RBBP4: variants seen among roughly 807,000 people sequenced by gnomAD.
RBBP4 encodes the protein RB binding protein 4, chromatin remodeling factor.
In RBBP4, 3 loss-of-function variants were observed where a neutral mutation model predicts 57.2. That is an observed-to-expected ratio of 0.05 (90% CI 0.02 to 0.14). The LOEUF is 0.14. Among genes scored for constraint, RBBP4 ranks in the 10% least tolerant of loss-of-function variants. The pLI is 1.00. For missense variants in RBBP4, 107 were observed against 520.6 expected, an observed-to-expected ratio of 0.21 and a Z score of 7.73; for synonymous variants, 151 against 171.5, an observed-to-expected ratio of 0.88 and a Z score of 0.93.
rs1478962891 is a variant in RBBP4 at position 32,685,262 on chromosome 1, C to A, written c.*5557C>A. 1 of 152,122 alleles carries A rather than the reference C, an allele frequency of 6.6e-6. No individual in the cohort carries two copies. The highest frequency in any genetic ancestry group is 1.5e-5 in the Non-Finnish European group (1 of 68,038). 9.4% of individuals were successfully genotyped at this position (152,122 alleles called of 1,614,324 possible). A position where few individuals can be genotyped will look rare whatever the true frequency, so the allele number is the denominator to read the frequency against. On this transcript the variant is annotated 3_prime_UTR_variant, in exon 12 of 12. Coordinates refer to ENST00000373493, the MANE Select transcript of RBBP4 (RefSeq NM_005610.3). ...CCCTCAGATAACTTTCTCATTCTTC[C>A]AGAATCAGGCTGGGATGCATTCTGT...
rs1649501830 is a variant in RBBP4 at position 32,682,437 on chromosome 1, A to T, written c.*2732A>T. On this transcript the variant is annotated 3_prime_UTR_variant, in exon 12 of 12. Transcript: ENST00000373493. The stretch of plus-strand genomic sequence containing the variant: ...GACCCCCCATCTCTACTAAAAAGAA[A>T]TTTAAAAAAATAAAATCCTAGAAAA... 4 of 17,962 alleles carry T rather than the reference A, an allele frequency of 2.2e-4. No homozygotes were observed. The South Asian group carries it at 0.033, about 147-fold the overall frequency. The allele number at this position is 17,962 out of a possible 1,614,324, so 1.1% of individuals were successfully genotyped here.
chr1:32,679,961 A>G lies in RBBP4; in HGVS notation c.*256A>G, dbSNP rs1438511613. On this transcript the variant is annotated 3_prime_UTR_variant, in exon 12 of 12. Transcript: ENST00000373493. ...ACCCAGGTCTAAAGTAGCTACAGAA[A>G]GGGGAATATTATGTGTGATTATTTT... The G allele has an allele frequency of 1.6e-6, 2 of 1,260,556 alleles. No individual in the cohort carries two copies. The highest frequency in any genetic ancestry group is 1.0e-6 in the Non-Finnish European group (1 of 1,003,944). 78.1% of individuals were successfully genotyped at this position (1,260,556 alleles called of 1,614,324 possible). A position where few individuals can be genotyped will look rare whatever the true frequency, so the allele number is the denominator to read the frequency against.
intron 8 of RBBP4, among the ~76,000 whole-genome samples, chr1:32,671,544 C>G (rs1372666016): frequency 1.3e-5 from 2 of 151,906 alleles, no homozygotes; most frequent in Admixed American, 6.6e-5. Flanking sequence ...GATCACCCCA[C>G]AAGAACAGAC....
chr1:32,667,285 A>C (rs1648695040), intron 3 of RBBP4, among the ~76,000 whole-genome samples: 1 of 152,290 alleles, frequency 6.6e-6, no homozygotes, highest in Middle Eastern at 3.4e-3. Context: ...AAAAATAGTG[A>C]AAGTCTTAAA....
chr1:32,657,635 A>G (rs1223967248), intron 3 of RBBP4, 63 bp downstream of exon 3: 2 of 1,526,230 alleles, frequency 1.3e-6, no homozygotes, highest in Non-Finnish European at 1.8e-6. Context: ...GTGCACTTTG[A>G]TAAAGTAAAC....
intron 3 of RBBP4, among the ~76,000 whole-genome samples, chr1:32,664,921 A>G (rs1177173950): frequency 6.6e-6 from 1 of 152,204 alleles, no homozygotes; most frequent in Admixed American, 6.5e-5. Context: ...GTGCAATAGC[A>G]TTATGTCTAA....
intron 2 of RBBP4, among the ~76,000 whole-genome samples, chr1:32,653,643 TTTTTTTTTTTTTTTTTGTTTTTG>T (rs1647997847): frequency 1.8e-4 from 4 of 22,530 alleles, no homozygotes; most frequent in South Asian, 2.3e-3. Context: ...TCTGGTTTTT[TTTTTTTTTTTTTTTTTGTTTTTG>T]TTTTTTTTTT....
chr1:32,667,687 A>G (rs1648712252), intron 3 of RBBP4, among the ~76,000 whole-genome samples: 1 of 152,204 alleles, frequency 6.6e-6, no homozygotes, highest in African/African-American at 2.4e-5. Context: ...AATTTCAGAT[A>G]GTAATATAAT....
intron 11 of RBBP4, among the ~76,000 whole-genome samples, chr1:32,678,389 G>A (rs1196464348): frequency 6.6e-6 from 1 of 151,828 alleles, no homozygotes; most frequent in African/African-American, 2.4e-5. Flanking sequence ...ACCACGCCTG[G>A]CTAATTTTTA....
At chr1:32,652,135 G>T (rs1378582876) in intron 2 of RBBP4, 74 bp downstream of exon 2, 8 of 1,494,338 alleles carry the variant, frequency 5.4e-6, no homozygotes, top group Admixed American at 4.1e-5. Flanking sequence ...TCTTTTTTCC[G>T]CTCTTCAGTC....
At chr1:32,654,137 C>T (rs1648033066) in intron 2 of RBBP4, among the ~76,000 whole-genome samples, 1 of 152,084 alleles carries the variant, frequency 6.6e-6, no homozygotes, top group African/African-American at 2.4e-5. Context: ...CTTTGGGAGG[C>T]TGAGGCAGGC....
chr1:32,666,637 G>A (rs1648660420), intron 3 of RBBP4, among the ~76,000 whole-genome samples: 1 of 152,184 alleles, frequency 6.6e-6, no homozygotes, highest in South Asian at 2.1e-4. Flanking sequence ...GATTACAGGC[G>A]TGAGCCACTG....
At chr1:32,655,107 G>C (rs1031868690) in intron 2 of RBBP4, among the ~76,000 whole-genome samples, 2 of 152,080 alleles carry the variant, frequency 1.3e-5, no homozygotes, top group Admixed American at 1.3e-4. Flanking sequence ...TCCTGCCTCA[G>C]CCTCTGGAAT....
At chr1:32,655,489 T>G (rs74355434) in intron 2 of RBBP4, among the ~76,000 whole-genome samples, 5,863 of 152,280 alleles carry the variant, frequency 0.039, 231 homozygotes, top group East Asian at 0.11. Context: ...TAATTCCAAT[T>G]TTCTGTTCAT....
At chr1:32,661,870 CTTTTTTTTTTTTT>C (rs71006354) in intron 3 of RBBP4, among the ~76,000 whole-genome samples, 164 of 49,276 alleles carry the variant, frequency 3.3e-3, no homozygotes, top group African/African-American at 0.014. Flanking sequence ...CCTTTGCCCA[CTTTTTTTTTTTTT>C]TTTTTTTTTT....
intron 3 of RBBP4, among the ~76,000 whole-genome samples, chr1:32,664,892 A>G (rs955834531): frequency 1.3e-5 from 2 of 152,352 alleles, no homozygotes; most frequent in East Asian, 1.9e-4. Context: ...TGTTTACACT[A>G]TACTATAGTC....
intron 11 of RBBP4, among the ~76,000 whole-genome samples, chr1:32,675,538 G>T (rs975550115): frequency 1.7e-4 from 26 of 151,470 alleles, no homozygotes; most frequent in Non-Finnish European, 2.9e-4. Context: ...GGGAGGCCGA[G>T]GCGGGTGGAT....
chr1:32,664,328 A>G (rs1419658854), intron 3 of RBBP4, among the ~76,000 whole-genome samples: 2 of 151,866 alleles, frequency 1.3e-5, no homozygotes, highest in African/African-American at 2.4e-5. Flanking sequence ...TTTAATATCT[A>G]CTCAATACTG....
rs543160863 is a variant in RBBP4 at position 32,684,061 on chromosome 1, G to A, written c.*4356G>A. 1 of 1,614,226 alleles carries A rather than the reference G, an allele frequency of 6.2e-7. No homozygotes were observed. The highest frequency in any genetic ancestry group is 1.3e-5 in the African/African-American group (1 of 75,058). Reference sequence around the variant, plus strand: ...GCCTGAGAAGTGGGAGCATCAGCCTGTTCCAGGCTCTTGGGTAGTAGCATA... The same window carrying A: ...GCCTGAGAAGTGGGAGCATCAGCCTATTCCAGGCTCTTGGGTAGTAGCATA... On this transcript the variant is annotated 3_prime_UTR_variant, in exon 12 of 12. Transcript: ENST00000373493.
Sources: allele counts gnomAD v4.1 joint callset (sites outside exome capture counted in the v4.1 genomes callset), GRCh38; gene constraint gnomAD v4.1.1; transcripts MANE v1.5; gene names NCBI Gene and HGNC (gene_info 2026-07-23, HGNC 2026-07-21).